The following NMNAT3 variants were observed in gnomAD, a reference collection of about 807,000 sequenced individuals.
The protein encoded by NMNAT3 is nicotinamide nucleotide adenylyltransferase 3, also known as nicotinamide/nicotinic acid mononucleotide adenylyltransferase 3.
In NMNAT3, 21 loss-of-function variants were observed where a neutral mutation model predicts 24.8. That is an observed-to-expected ratio of 0.85 (90% CI 0.60 to 1.22). The LOEUF (loss-of-function observed/expected upper bound fraction) is 1.22. Among genes scored for constraint, NMNAT3 ranks in the 50% most tolerant of loss-of-function variants. NMNAT3 has a pLI of 0.00. For missense variants in NMNAT3, 387 were observed against 436.6 expected (o/e 0.89, Z 1.01); for synonymous variants, 136 against 155.2 (o/e 0.88, Z 0.92).
At chr3:139,605,759 G>A (rs561731636) in intron 3 of NMNAT3, among the ~76,000 whole-genome samples, 12 of 151,998 alleles carry the variant, frequency 7.9e-5, no homozygotes, top group South Asian at 2.1e-4. Flanking sequence ...ACCATACTAC[G>A]CATCTCTTAA....
intron 3 of NMNAT3, among the ~76,000 whole-genome samples, chr3:139,607,893 C>T (rs905038390): frequency 1.3e-5 from 2 of 152,152 alleles, no homozygotes; most frequent in African/African-American, 4.8e-5. Context: ...TTATCAGTAA[C>T]TCATAAATTT....
At chr3:139,568,742 G>A (rs1385256307) in intron 6 of NMNAT3, 1 of 152,190 alleles carries the variant, frequency 6.6e-6, no homozygotes, top group Admixed American at 6.5e-5. Context: ...TACATTTGCT[G>A]AGGAGTGCTT....
At position 139,570,056 on chromosome 3, in the gene NMNAT3, T is replaced by C. The variant is rs1576515690; in HGVS notation, c.658+3542A>G. 2.6e-5 allele frequency: 4 copies of C among 152,306 alleles called. No homozygotes were observed. The South Asian group carries it at 8.3e-4, about 32-fold the overall frequency. 9.4% of individuals were successfully genotyped at this position (152,306 alleles called of 1,614,324 possible). On this transcript the variant is annotated intron_variant, in intron 6 of 6. Coordinates refer to ENST00000643695, the MANE Select transcript of NMNAT3 (RefSeq NM_001320510.2). ...TTTGTTCGTTTCTTTTTACTCTTTT[T>C]CCTCTAAACTTCTCTTATCATTTCA...
At chr3:139,569,243 C>A (rs974676593) in intron 6 of NMNAT3, 18 of 149,892 alleles carry the variant, frequency 1.2e-4, no homozygotes, top group African/African-American at 4.3e-4. Context: ...TGTCTCTGCC[C>A]GTGAGATGGG....
intron 3 of NMNAT3, among the ~76,000 whole-genome samples, chr3:139,620,345 A>G (rs1361159873): frequency 1.3e-5 from 2 of 152,144 alleles, no homozygotes; most frequent in African/African-American, 2.4e-5. Context: ...GATAATGAAC[A>G]TAACCATTAT....
chr3:139,655,094 A>T (rs2057193541), intron 1 of NMNAT3, among the ~76,000 whole-genome samples: 1 of 152,176 alleles, frequency 6.6e-6, no homozygotes, highest in African/African-American at 2.4e-5. Context: ...TAGGCAGGTA[A>T]ATGAGTTGGG....
At chr3:139,569,039 A>C (rs1937627669) in intron 6 of NMNAT3, 1 of 152,210 alleles carries the variant, frequency 6.6e-6, no homozygotes, top group Admixed American at 6.5e-5. Context: ...TATTGGGTGC[A>C]TATATATTTA....
At chr3:139,605,365 G>A (rs1344147687) in intron 3 of NMNAT3, among the ~76,000 whole-genome samples, 3 of 151,934 alleles carry the variant, frequency 2.0e-5, no homozygotes, top group South Asian at 2.1e-4. Flanking sequence ...TTTATGTTGG[G>A]CTCCCTCAAA....
chr3:139,622,904 G>A (rs1553753105), intron 3 of NMNAT3, among the ~76,000 whole-genome samples: 2 of 146,590 alleles, frequency 1.4e-5, no homozygotes, highest in Non-Finnish European at 3.0e-5. Context: ...CATGAATGGA[G>A]CTGCAGGACT....
At chr3:139,658,918 C>T (rs894027695) in intron 1 of NMNAT3, among the ~76,000 whole-genome samples, 1 of 152,144 alleles carries the variant, frequency 6.6e-6, no homozygotes, top group Non-Finnish European at 1.5e-5. Flanking sequence ...TGTGTCCCTT[C>T]CCTCTCAATC....
chr3:139,616,281 C>T (rs564723624), intron 3 of NMNAT3, among the ~76,000 whole-genome samples: 1 of 152,178 alleles, frequency 6.6e-6, no homozygotes, highest in East Asian at 1.9e-4. Context: ...TGCTGGGGAT[C>T]CTTCATCTTT....
chr3:139,667,613 C>A (rs1246456140), intron 1 of NMNAT3, among the ~76,000 whole-genome samples: 1 of 152,172 alleles, frequency 6.6e-6, no homozygotes, highest in African/African-American at 2.4e-5. Context: ...CTTCTAACTG[C>A]CTCTGAATGA....
intron 3 of NMNAT3, among the ~76,000 whole-genome samples, chr3:139,594,848 C>T (rs968575079): frequency 3.9e-5 from 6 of 152,122 alleles, no homozygotes; most frequent in South Asian, 2.1e-4. Flanking sequence ...AACCCACAGC[C>T]GATATCATAC....
chr3:139,613,345 A>C (rs1460229890), intron 3 of NMNAT3, among the ~76,000 whole-genome samples: 1 of 152,124 alleles, frequency 6.6e-6, no homozygotes, highest in African/African-American at 2.4e-5. Flanking sequence ...GACACTTCTC[A>C]AAAGAAGATA....
intron 3 of NMNAT3, among the ~76,000 whole-genome samples, chr3:139,603,975 T>C (rs777739770): frequency 4.6e-5 from 7 of 152,330 alleles, no homozygotes; most frequent in Non-Finnish European, 8.8e-5. Flanking sequence ...CTAGTTACTA[T>C]GGCATCCCAA....
intron 3 of NMNAT3, among the ~76,000 whole-genome samples, chr3:139,627,269 A>C (rs928993246): frequency 2.6e-5 from 4 of 152,170 alleles, no homozygotes; most frequent in African/African-American, 9.7e-5. Flanking sequence ...TCTAAGGCAC[A>C]TGCTACCTAT....
intron 3 of NMNAT3, among the ~76,000 whole-genome samples, chr3:139,598,236 T>G (rs2054564942): frequency 6.6e-6 from 1 of 152,136 alleles, no homozygotes; most frequent in Non-Finnish European, 1.5e-5. Flanking sequence ...GTTTACATGC[T>G]CTTCTAGAAC....
At chr3:139,582,816 A>G in intron 4 of NMNAT3, 1 of 560,274 alleles carries the variant, frequency 1.8e-6, no homozygotes, top group Non-Finnish European at 2.9e-6. Context: ...ATGTGGCAAA[A>G]TATATAGGTA....
Position 139,624,359 on chromosome 3 carries a change from C to T in NMNAT3, c.109+3257G>A, listed in dbSNP as rs540741789. Among the ~76,000 whole-genome samples the T allele has an allele frequency of 1.9e-4, 29 of 151,530 alleles. 1 individual carries two copies. Among genetic ancestry groups the T allele is most frequent in the South Asian group, 8.3e-4 (4 of 4,806 alleles). ...TTTATTTCCATATTTGGGGATCTTT[C>T]GGAGATCTTTCTGTTATTGATTTCT... On this transcript the variant is annotated intron_variant, in intron 3 of 6. Transcript: ENST00000643695.
Sources: gnomAD v4.1 joint callset for allele counts (sites outside exome capture counted in the v4.1 genomes callset) on GRCh38, gnomAD v4.1.1 for gene constraint, MANE v1.5 for transcripts, NCBI Gene and HGNC (gene_info 2026-07-23, HGNC 2026-07-21) for gene names.